Variants in ATM observed in about 807,000 individuals in gnomAD.
The protein encoded by ATM is ATM serine/threonine kinase, also known as serine-protein kinase ATM.
ATM carries 308 observed loss-of-function variants against 387.0 expected under a neutral mutation model. The observed-to-expected ratio is 0.80, with a 90% confidence interval of 0.73 to 0.87. The LOEUF is 0.87. Among genes scored for constraint, ATM ranks in the 40% least tolerant of loss-of-function variants. The pLI, the probability that ATM is intolerant of heterozygous loss-of-function variation, is 0.00. For synonymous variants in ATM, 1,156 were observed against 1,187.3 expected (o/e 0.97, Z 0.54); for missense variants, 3,312 against 3,560.9 (o/e 0.93, Z 1.78).
At chr11:108,267,457 T>A (rs761301128) in intron 17 of ATM, 115 bp downstream of exon 17, 179 of 872,190 alleles carry the variant, frequency 2.1e-4, no homozygotes, top group Non-Finnish European at 3.1e-4. Context: ...TAGTATAGCC[T>A]TTTAGGATTG....
At chr11:108,259,698 A>G (rs2080743807) in intron 16 of ATM, among the ~76,000 whole-genome samples, 2 of 152,170 alleles carry the variant, frequency 1.3e-5, no homozygotes. Flanking sequence ...TAAAATAATT[A>G]TTTGTTCTTT....
chr11:108,227,737 G>A (rs547110435), intron 2 of ATM, 39 bp from the exon 3 acceptor site: 3 of 1,611,790 alleles, frequency 1.9e-6, no homozygotes, highest in South Asian at 2.2e-5. Context: ...TGAAATAAGT[G>A]TGATTAGTAA....
At chr11:108,268,695 G>C in intron 18 of ATM, 86 bp downstream of exon 18, 1 of 1,398,704 alleles carries the variant, frequency 7.1e-7, no homozygotes. Context: ...GAATCACATG[G>C]TGTCTTTGAA....
chr11:108,254,602 C>T (rs902545198), intron 13 of ATM, among the ~76,000 whole-genome samples: 1 of 152,178 alleles, frequency 6.6e-6, no homozygotes, highest in Admixed American at 6.5e-5. Flanking sequence ...AGATCATCCA[C>T]ATGTGAAAAT....
rs1438588853 is a variant in ATM at position 108,227,634 on chromosome 11, G to A, written c.10G>A (p.Val4Ile). 1 of 1,613,360 alleles carries A rather than the reference G, an allele frequency of 6.2e-7. No homozygotes were observed. The highest frequency in any genetic ancestry group is 1.3e-5 in the African/African-American group (1 of 74,790). The change falls in exon 2 of 63, where the codon GTA becomes ATA. Residue 4 changes from valine to isoleucine, a missense_variant. By Grantham distance (29) the Val-to-Ile change is conservative. Coordinates refer to ENST00000675843, the MANE Select transcript of ATM (RefSeq NM_000051.4). MSL[V>I]LNDLLICCRQ... ...TCTGAAATTGTGAACCATGAGTCTA[G>A]TACTTAATGATCTGCTTATCTGCTG...
intron 40 of ATM, among the ~76,000 whole-genome samples, chr11:108,313,693 A>AC (rs1294060485): frequency 6.6e-6 from 1 of 152,154 alleles, no homozygotes; most frequent in Non-Finnish European, 1.5e-5. Flanking sequence ...AAGCATGGGT[A>AC]CTGAACTTTT....
intron 42 of ATM, among the ~76,000 whole-genome samples, 176 bp from the exon 43 acceptor site, chr11:108,317,197 C>T (rs946721913): frequency 6.6e-5 from 10 of 151,886 alleles, no homozygotes; most frequent in Non-Finnish European, 1.5e-5. Flanking sequence ...CCTCAGCCTC[C>T]CAAAGTGCTG....
intron 48 of ATM, among the ~76,000 whole-genome samples, chr11:108,328,408 G>T: frequency 6.6e-6 from 1 of 151,916 alleles, no homozygotes; most frequent in South Asian, 2.1e-4. Context: ...CACCACACCC[G>T]GCTAATATTT....
At chr11:108,227,258 A>G in intron 1 of ATM, 2 of 197,990 alleles carry the variant, frequency 1.0e-5, no homozygotes, top group South Asian at 1.6e-4. Context: ...TGATCCTCCC[A>G]CCTTGGCCTC....
At chr11:108,255,582 C>G (rs1427758694) in intron 13 of ATM, among the ~76,000 whole-genome samples, 1 of 151,728 alleles carries the variant, frequency 6.6e-6, no homozygotes, top group African/African-American at 2.4e-5. Flanking sequence ...CCTGCCATCA[C>G]GCCCTGCTAA....
intron 7 of ATM, 72 bp downstream of exon 7, chr11:108,245,098 T>C: frequency 8.2e-7 from 1 of 1,225,852 alleles, no homozygotes. Context: ...ATAAAATTAG[T>C]GTTCTTTAGG....
rs780619951 is a variant in ATM at position 108,259,022 on chromosome 11, C to G, written c.2413C>G (p.Arg805Gly). ...PNKIASGFFL[R>G]LLTSKLMNDI... ...TAAGATTGCATCTGGCTTTTTCCTG[C>G]GATTGTTAACATCAAAGCTAATGAA... The change falls in exon 16 of 63, where the codon CGA (arginine) becomes GGA (glycine). Residue 805 changes from arginine to glycine, a missense_variant. This residue lies in a region of ATM where 1,791 missense variants were observed against 1,804.5 expected (regional missense o/e 0.99). Transcript: ENST00000675843. 6.2e-7 allele frequency: 1 copy of G among 1,613,688 alleles called. No homozygotes were observed. The highest frequency in any genetic ancestry group is 8.5e-7 in the Non-Finnish European group (1 of 1,179,898).
chr11:108,294,982 T>C lies in ATM; in HGVS notation c.4832T>C (p.Leu1611Pro). 6.2e-7 allele frequency: 1 copy of C among 1,613,928 alleles called. No homozygotes were observed. Among genetic ancestry groups the C allele is most frequent in the Non-Finnish European group, 8.5e-7 (1 of 1,179,858 alleles). ...TATGATGCACTTCCATTGACAAGAC[T>C]TGAAGGACTAAAGGATCTTCGAAGA... ...SVYDALPLTRLEGLKDLRRQL... is the reference protein window; with the variant it reads ...SVYDALPLTRPEGLKDLRRQL... The change falls in exon 32 of 63, where the codon CTT becomes CCT. Residue 1611 changes from leucine to proline, a missense_variant. Physicochemically the swap from Leu to Pro is moderately conservative, Grantham distance 98 (BLOSUM62 -3). Coordinates refer to ENST00000675843, the MANE Select transcript of ATM (RefSeq NM_000051.4).
chr11:108,334,002 C>A (rs761930835), intron 54 of ATM, 34 bp downstream of exon 54: 2 of 1,527,542 alleles, frequency 1.3e-6, no homozygotes, highest in Non-Finnish European at 9.1e-7. Context: ...TTTTTTTAAA[C>A]TAAATTTTTT....
rs2135506301 is a variant in ATM, at chr11:108,267,215, A to G, written c.2511A>G (p.Ser837=). The G allele has an allele frequency of 6.2e-7, 1 of 1,614,174 alleles. No homozygotes were observed. The highest frequency in any genetic ancestry group is 2.2e-5 in the East Asian group (1 of 44,882). The change falls in exon 17 of 63, where the codon TCA becomes TCG. Residue 837 remains serine (S), a synonymous_variant. Coordinates refer to ENST00000675843, the MANE Select transcript of ATM (RefSeq NM_000051.4). ...KKPFDRGEVE[S]MEDDTNGNLM... ...CATTTGACCGTGGAGAAGTAGAATC[A>G]ATGGAAGATGATACTAATGGAAATC...
chr11:108,300,667 T>C lies in ATM; in HGVS notation c.5177+782T>C, dbSNP rs938125723. On this transcript the variant is annotated intron_variant, in intron 34 of 62. Coordinates refer to ENST00000675843, the MANE Select transcript of ATM (RefSeq NM_000051.4). ...AATGTACCTGTATATTTCTTTCTTT[T>C]GTTGTTGTTTTTGTTTCATTAAACA... is the stretch of plus-strand genomic sequence containing the variant. Among the ~76,000 whole-genome samples the C allele has an allele frequency of 2.3e-4, 35 of 152,220 alleles. 1 individual carries two copies. Among genetic ancestry groups the C allele is most frequent in the Admixed American group, 1.1e-3 (17 of 15,282 alleles).
chr11:108,357,971 A>G (rs1411070796), intron 61 of ATM, among the ~76,000 whole-genome samples: 8 of 149,424 alleles, frequency 5.4e-5, no homozygotes, highest in Non-Finnish European at 1.0e-4. Context: ...CTGAGAGAAG[A>G]AGGCTTCAGA....
chr11:108,343,846 A>G lies in ATM; in HGVS notation c.8418+475A>G, dbSNP rs1249919229. Among the ~76,000 whole-genome samples, 3 of 152,204 alleles carry G rather than the reference A, an allele frequency of 2.0e-5. 1 individual carries two copies. Among genetic ancestry groups the G allele is most frequent in the Non-Finnish European group, 4.4e-5 (3 of 68,036 alleles). On this transcript the variant is annotated intron_variant, in intron 57 of 62. Coordinates refer to ENST00000675843, the MANE Select transcript of ATM (RefSeq NM_000051.4). ...TGAAGTAATTTTTTATGAAACTGATATAGAAAACCTTCTGAGACATTTACA... is the reference window on the plus strand; with the variant it reads ...TGAAGTAATTTTTTATGAAACTGATGTAGAAAACCTTCTGAGACATTTACA...
intron 26 of ATM, 41 bp from the exon 27 acceptor site, chr11:108,287,559 A>T (rs3218697): frequency 7.6e-7 from 1 of 1,315,214 alleles, no homozygotes; most frequent in Admixed American, 1.8e-5. Context: ...ACGTTCACAG[A>T]TATAAAATAT....
Sources: gnomAD v4.1 joint callset for allele counts (sites outside exome capture counted in the v4.1 genomes callset) on GRCh38, gnomAD v4.1.1 for gene constraint, gnomAD v4.1.1 regional missense constraint, MANE v1.5 for transcripts, NCBI Gene and HGNC (gene_info 2026-07-23, HGNC 2026-07-21) for gene names.